Variants in CFAP263 observed in about 807,000 individuals in gnomAD.
CFAP263 encodes the protein cilia and flagella associated protein 263.
chr16:58,250,860 C>T, the CFAP263 span, among the ~76,000 whole-genome samples: 2 of 151,974 alleles, frequency 1.3e-5, no homozygotes, highest in Admixed American at 6.6e-5. Flanking sequence ...GCAATGTGTG[C>T]CTGAACCTGG....
At chr16:58,272,964 G>A in the CFAP263 span, among the ~76,000 whole-genome samples, 1 of 152,116 alleles carries the variant, frequency 6.6e-6, no homozygotes, top group Non-Finnish European at 1.5e-5. Context: ...TCATTTTGAG[G>A]ATATAATATT....
the CFAP263 span, among the ~76,000 whole-genome samples, chr16:58,261,948 A>G: frequency 6.6e-6 from 1 of 152,112 alleles, no homozygotes; most frequent in African/African-American, 2.4e-5. Context: ...CATGTTAAAA[A>G]CAACTTTTAA....
chr16:58,257,835 C>T, the CFAP263 span, among the ~76,000 whole-genome samples: 6 of 151,970 alleles, frequency 3.9e-5, no homozygotes, highest in East Asian at 1.9e-4. Context: ...TGGCCAGGCG[C>T]GGTGGCTCAT....
chr16:58,265,783 A>G, the CFAP263 span, among the ~76,000 whole-genome samples: 2 of 152,210 alleles, frequency 1.3e-5, no homozygotes, highest in African/African-American at 4.8e-5. Context: ...TGGCCTCCTC[A>G]AGGGACCCAC....
the CFAP263 span, among the ~76,000 whole-genome samples, chr16:58,261,877 T>A: frequency 6.6e-6 from 1 of 152,188 alleles, no homozygotes; most frequent in South Asian, 2.1e-4. Context: ...TGCACTGCAG[T>A]GCAGAAATAT....
At chr16:58,269,298 T>A in the CFAP263 span, among the ~76,000 whole-genome samples, 1 of 151,824 alleles carries the variant, frequency 6.6e-6, no homozygotes. Flanking sequence ...GCCACTGCAC[T>A]CCAGCCTCAG....
the CFAP263 span, chr16:58,253,932 G>A: frequency 1.9e-6 from 3 of 1,557,460 alleles, no homozygotes; most frequent in Admixed American, 3.4e-5. Context: ...TCATTCTGAT[G>A]CCTATCTTGG....
chr16:58,279,517 G>T, the CFAP263 span, among the ~76,000 whole-genome samples: 5 of 151,930 alleles, frequency 3.3e-5, no homozygotes, highest in South Asian at 2.1e-4. Flanking sequence ...CCCCTTTGTG[G>T]CCCCTACACA....
chr16:58,250,416 A>C, the CFAP263 span: 1 of 274,508 alleles, frequency 3.6e-6, no homozygotes, highest in Non-Finnish European at 6.9e-6. Flanking sequence ...CCGATCCACA[A>C]TTCTACAGCA....
chr16:58,257,087 G>A, the CFAP263 span, among the ~76,000 whole-genome samples: 2 of 79,502 alleles, frequency 2.5e-5, no homozygotes, highest in African/African-American at 8.5e-5. Flanking sequence ...GCGGGATCTC[G>A]GCTCACTGCA....
At chr16:58,262,290 A>C in the CFAP263 span, 1 of 1,150,418 alleles carries the variant, frequency 8.7e-7, no homozygotes. Flanking sequence ...ATGATGACTG[A>C]CCTCCAAAGT....
chr16:58,263,205 C>T, the CFAP263 span, among the ~76,000 whole-genome samples: 15 of 152,134 alleles, frequency 9.9e-5, no homozygotes, highest in Non-Finnish European at 2.2e-4. Flanking sequence ...GCCAGTGTGT[C>T]CCCACCCACT....
chr16:58,277,217 C>T, the CFAP263 span, among the ~76,000 whole-genome samples: 1 of 151,906 alleles, frequency 6.6e-6, no homozygotes, highest in African/African-American at 2.4e-5. Flanking sequence ...CAACCTCCAC[C>T]TCCAGGGTTC....
chr16:58,271,877 C>T, the CFAP263 span, among the ~76,000 whole-genome samples: 1 of 152,208 alleles, frequency 6.6e-6, no homozygotes, highest in South Asian at 2.1e-4. Flanking sequence ...AAGGAAGTCA[C>T]TATGTACAGC....
At chr16:58,258,455 A>G in the CFAP263 span, 2 of 1,614,102 alleles carry the variant, frequency 1.2e-6, no homozygotes, top group Non-Finnish European at 1.7e-6. Context: ...AGCCATATCC[A>G]AGAAGAAAGG....
the CFAP263 span, among the ~76,000 whole-genome samples, chr16:58,255,445 A>G: frequency 5.3e-5 from 8 of 152,186 alleles, no homozygotes; most frequent in African/African-American, 1.9e-4. Context: ...CAACACCCTC[A>G]CAGTCACACC....
the CFAP263 span, among the ~76,000 whole-genome samples, chr16:58,273,352 C>T: frequency 6.0e-4 from 91 of 152,100 alleles, no homozygotes; most frequent in Middle Eastern, 3.4e-3. Context: ...CACATTTCTC[C>T]GAGACTGTTA....
chr16:58,266,771 A>G, the CFAP263 span, among the ~76,000 whole-genome samples: 1 of 152,164 alleles, frequency 6.6e-6, no homozygotes, highest in Admixed American at 6.5e-5. Context: ...TCTAAGAAGC[A>G]GGGGTGGGGC....
the CFAP263 span, among the ~76,000 whole-genome samples, chr16:58,267,309 C>G: frequency 6.6e-6 from 1 of 152,168 alleles, no homozygotes; most frequent in Non-Finnish European, 1.5e-5. Flanking sequence ...CTCTCCTCCC[C>G]CACCAGTTCT....
Sources: allele counts gnomAD v4.1 joint callset (sites outside exome capture counted in the v4.1 genomes callset), GRCh38; gene constraint gnomAD v4.1.1; transcripts MANE v1.5; gene names NCBI Gene and HGNC (gene_info 2026-07-23, HGNC 2026-07-21).